The following MYO9B variants were observed in gnomAD, a reference collection of about 807,000 sequenced individuals.
The protein encoded by MYO9B is unconventional myosin-IXb.
Under a neutral mutation model 229.5 loss-of-function variants are expected in MYO9B, and 71 were observed. That is an observed-to-expected ratio of 0.31 (90% CI 0.26 to 0.38). The LOEUF (loss-of-function observed/expected upper bound fraction) is 0.38. Ranked by LOEUF, MYO9B falls within the 10% of genes least tolerant of loss-of-function variation. MYO9B has a pLI of 1.00. For missense variants in MYO9B, 2,255 were observed against 2,920.5 expected (o/e 0.77, Z 5.25); for synonymous variants, 1,185 against 1,235.8 (o/e 0.96, Z 0.86).
intron 34 of MYO9B, 25 bp downstream of exon 34, chr19:17,206,809 T>C: frequency 6.6e-7 from 1 of 1,520,394 alleles, no homozygotes; most frequent in Admixed American, 1.9e-5. Context: ...ACCTGCCCTC[T>C]GTGGGGTTAG....
chr19:17,202,436 A>C (rs1382495930), intron 28 of MYO9B, 133 bp downstream of exon 28: 2 of 898,498 alleles, frequency 2.2e-6, no homozygotes, highest in African/African-American at 3.4e-5. Context: ...TACCACAGCC[A>C]CTGTGCCATG....
At position 17,165,935 on chromosome 19, in the gene MYO9B, G is replaced by T. The variant is rs375208473; in HGVS notation, c.1672-2008G>T. 4.9e-4 allele frequency among the ~76,000 whole-genome samples: 74 copies of T among 152,208 alleles called. No homozygotes were observed. In the East Asian group the frequency reaches 9.6e-3, roughly 20 times the overall value. ...CCTTTGGTTTGCATTATCATCTGTG[G>T]CTGTTTTCACATCACGACTGTTAGT... On this transcript the variant is annotated intron_variant, in intron 10 of 39. Coordinates refer to ENST00000682292, the MANE Select transcript of MYO9B (RefSeq NM_004145.4).
In MYO9B at chr19:17,194,560, A is replaced by T. The variant is rs2073019952; in HGVS notation, c.3133A>T (p.Ser1045Cys). ...CRGHLQRKSF[S>C]QMISEKQKAE... is the part of the protein sequence containing the mutation. ...TCTGCTTTTTCCTCACTCCAGCTTC[A>T]GCCAGATGATCTCGGAGAAGCAGAA... Residue 1045 changes from serine to cysteine, a missense_variant, in exon 22 of 40, where the codon AGC becomes TGC. This residue lies in a region of MYO9B where 679 missense variants were observed against 770.2 expected (regional missense o/e 0.88). Coordinates refer to ENST00000682292, the MANE Select transcript of MYO9B (RefSeq NM_004145.4). 6.2e-7 allele frequency: 1 copy of T among 1,612,404 alleles called. No individual in the cohort carries two copies. The highest frequency in any genetic ancestry group is 8.5e-7 in the Non-Finnish European group (1 of 1,179,778).
chr19:17,179,537 G>A (rs1431416438), intron 14 of MYO9B, among the ~76,000 whole-genome samples: 3 of 147,986 alleles, frequency 2.0e-5, no homozygotes, highest in African/African-American at 5.0e-5. Context: ...AGCGATTGTC[G>A]TGCCTCAGCC....
chr19:17,089,705 A>G (rs1388771691), intron 1 of MYO9B, among the ~76,000 whole-genome samples: 4 of 152,194 alleles, frequency 2.6e-5, no homozygotes, highest in Non-Finnish European at 2.9e-5. Context: ...TTCAGAGTGC[A>G]GAAAGCATAT....
At chr19:17,155,567 CA>C (rs2072527916) in intron 6 of MYO9B, among the ~76,000 whole-genome samples, 1 of 152,150 alleles carries the variant, frequency 6.6e-6, no homozygotes, top group Non-Finnish European at 1.5e-5. Flanking sequence ...CGCTTGAGAC[CA>C]GGAGTTGGAG....
chr19:17,076,627 C>T (rs905281197), intron 1 of MYO9B, among the ~76,000 whole-genome samples: 2 of 152,074 alleles, frequency 1.3e-5, no homozygotes, highest in Non-Finnish European at 2.9e-5. Flanking sequence ...TGACTTCACA[C>T]TTAACAGCTG....
chr19:17,208,877 G>T (rs560796855), intron 35 of MYO9B, among the ~76,000 whole-genome samples: 32 of 151,364 alleles, frequency 2.1e-4, no homozygotes, highest in Non-Finnish European at 3.4e-4. Context: ...AGTCCCTCTG[G>T]TACTGACCAC....
intron 2 of MYO9B, among the ~76,000 whole-genome samples, chr19:17,128,061 TGC>T (rs2072147177): frequency 1.3e-5 from 2 of 151,952 alleles, no homozygotes; most frequent in Non-Finnish European, 2.9e-5. Flanking sequence ...CACTGAATCT[TGC>T]AAAGTGTCTC....
At chr19:17,114,478 T>C (rs1377836033) in intron 2 of MYO9B, among the ~76,000 whole-genome samples, 1 of 152,006 alleles carries the variant, frequency 6.6e-6, no homozygotes, top group Non-Finnish European at 1.5e-5. Context: ...CGGCCCTAGG[T>C]GCGTGAGGAT....
intron 1 of MYO9B, among the ~76,000 whole-genome samples, chr19:17,077,714 A>G (rs2057499334): frequency 6.6e-6 from 1 of 152,144 alleles, no homozygotes; most frequent in African/African-American, 2.4e-5. Flanking sequence ...TCTTGTCTCC[A>G]GTCCATGTCC....
intron 14 of MYO9B, among the ~76,000 whole-genome samples, chr19:17,179,298 C>G (rs2072828049): frequency 6.6e-6 from 1 of 152,076 alleles, no homozygotes; most frequent in Admixed American, 6.6e-5. Flanking sequence ...ATTAATTCCT[C>G]CAAAGGCCTT....
At chr19:17,147,935 G>A (rs763416444) in intron 3 of MYO9B, among the ~76,000 whole-genome samples, 1 of 150,312 alleles carries the variant, frequency 6.7e-6, no homozygotes, top group Non-Finnish European at 1.5e-5. Context: ...GCCCGCCTTG[G>A]TCTCCCGAAG....
intron 3 of MYO9B, among the ~76,000 whole-genome samples, chr19:17,150,035 T>G (rs1469970030): frequency 6.6e-6 from 1 of 152,146 alleles, no homozygotes; most frequent in Non-Finnish European, 1.5e-5. Context: ...TTCTCCTATT[T>G]GAAAGAAGAG....
chr19:17,183,730 G>A, intron 15 of MYO9B, 99 bp from the exon 16 acceptor site: 2 of 996,152 alleles, frequency 2.0e-6, no homozygotes, highest in Non-Finnish European at 3.0e-6. Flanking sequence ...CTCTCTCTGT[G>A]TCTCTCAGTC....
chr19:17,154,137 G>A, intron 5 of MYO9B, 71 bp downstream of exon 5: 3 of 1,475,726 alleles, frequency 2.0e-6, no homozygotes, highest in Admixed American at 1.7e-5. Flanking sequence ...TGTATAGCCG[G>A]GAAGTCAGAG....
chr19:17,144,538 A>G (rs968858841), intron 2 of MYO9B, among the ~76,000 whole-genome samples: 2 of 151,978 alleles, frequency 1.3e-5, no homozygotes, highest in African/African-American at 2.4e-5. Context: ...CAGAGGTTGC[A>G]TTGAGCCAAG....
At chr19:17,199,842 A>G (rs116126754) in intron 24 of MYO9B, among the ~76,000 whole-genome samples, 21 of 149,486 alleles carry the variant, frequency 1.4e-4, no homozygotes, top group Non-Finnish European at 2.4e-4. Flanking sequence ...CACCATACCC[A>G]GCCAGATCCA....
At chr19:17,112,274 G>A (rs1599334779) in intron 2 of MYO9B, among the ~76,000 whole-genome samples, 1 of 152,192 alleles carries the variant, frequency 6.6e-6, no homozygotes, top group Non-Finnish European at 1.5e-5. Context: ...GAGCCACCGA[G>A]GGACACCAGG....
Sources: gnomAD v4.1 joint callset for allele counts (sites outside exome capture counted in the v4.1 genomes callset) on GRCh38, gnomAD v4.1.1 for gene constraint, gnomAD v4.1.1 regional missense constraint, MANE v1.5 for transcripts, NCBI Gene and HGNC (gene_info 2026-07-23, HGNC 2026-07-21) for gene names.